Variants in SMAP1 observed in about 807,000 individuals in gnomAD.
The protein encoded by SMAP1 is stromal membrane-associated protein 1.
SMAP1 carries 24 observed loss-of-function variants against 58.5 expected under a neutral mutation model. The ratio of observed to expected loss-of-function variants is 0.41; its 90% confidence interval spans 0.30 to 0.58. SMAP1 has a LOEUF of 0.58. Among genes scored for constraint, SMAP1 ranks in the 20% least tolerant of loss-of-function variants. SMAP1 has a pLI of 0.29. For synonymous variants in SMAP1, 216 were observed against 196.6 expected (o/e 1.10, Z -0.82); for missense variants, 563 against 566.3 (o/e 0.99, Z 0.06).
At chr6:70,781,738 C>A (rs1034670015) in intron 4 of SMAP1, among the ~76,000 whole-genome samples, 1 of 152,288 alleles carries the variant, frequency 6.6e-6, no homozygotes, top group South Asian at 2.1e-4. Flanking sequence ...AAATTTTAAA[C>A]ATTATGCTTT....
At chr6:70,811,615 A>G (rs1769391961) in intron 6 of SMAP1, among the ~76,000 whole-genome samples, 1 of 152,084 alleles carries the variant, frequency 6.6e-6, no homozygotes, top group Non-Finnish European at 1.5e-5. Context: ...TGGATATTCA[A>G]GTCCCTTATT....
Position 70,860,121 on chromosome 6 carries a change from T to C in SMAP1, c.1270-79T>C. On this transcript the variant is annotated intron_variant, in intron 10 of 10. Transcript: ENST00000370455. ...ACTAGTTGTCACATTAATGAAAAAA[T>C]GACCAACTGTGTGGCTAAAGAAACA... 3 of 1,464,812 alleles carry C rather than the reference T, an allele frequency of 2.0e-6. No individual in the cohort carries two copies. In the South Asian group the frequency reaches 4.5e-5, roughly 22 times the overall value. 90.7% of individuals were successfully genotyped at this position (1,464,812 alleles called of 1,614,324 possible). A position where few individuals can be genotyped will look rare whatever the true frequency, so the allele number is the denominator to read the frequency against.
chr6:70,824,245 C>T (rs1770018360), intron 6 of SMAP1, among the ~76,000 whole-genome samples: 1 of 152,054 alleles, frequency 6.6e-6, no homozygotes, highest in Non-Finnish European at 1.5e-5. Flanking sequence ...CTTGCTGGAC[C>T]AGAAGTGGAA....
At chr6:70,729,483 G>GTGTGTGTGTGTA (rs1562119411) in intron 1 of SMAP1, among the ~76,000 whole-genome samples, 3 of 150,922 alleles carry the variant, frequency 2.0e-5, no homozygotes, top group African/African-American at 7.3e-5. Flanking sequence ...GTGTGTGTGT[G>GTGTGTGTGTGTA]TGTGTGTGTG....
intron 3 of SMAP1, among the ~76,000 whole-genome samples, chr6:70,756,299 T>C (rs1408301352): frequency 6.6e-6 from 1 of 152,078 alleles, no homozygotes; most frequent in Non-Finnish European, 1.5e-5. Flanking sequence ...GGAGGAAATA[T>C]CTTTTCTCAC....
intron 4 of SMAP1, among the ~76,000 whole-genome samples, chr6:70,781,934 T>C (rs1230122866): frequency 6.6e-6 from 1 of 152,210 alleles, no homozygotes; most frequent in Non-Finnish European, 1.5e-5. Context: ...GAAGAACGTC[T>C]GAGCTTAAGA....
At chr6:70,793,452 T>TAG (rs1471620786) in intron 5 of SMAP1, among the ~76,000 whole-genome samples, 1 of 151,988 alleles carries the variant, frequency 6.6e-6, no homozygotes, top group African/African-American at 2.4e-5. Context: ...AACATCTTAG[T>TAG]AGATGATGGT....
At chr6:70,736,203 C>G (rs1455974500) in intron 2 of SMAP1, among the ~76,000 whole-genome samples, 1 of 152,042 alleles carries the variant, frequency 6.6e-6, no homozygotes, top group African/African-American at 2.4e-5. Context: ...AGTTGTTACC[C>G]AAAACTTACT....
intron 6 of SMAP1, among the ~76,000 whole-genome samples, chr6:70,827,762 A>C (rs1420456908): frequency 6.6e-6 from 1 of 152,222 alleles, no homozygotes; most frequent in African/African-American, 2.4e-5. Context: ...TAACTTCTCC[A>C]GCCCAGTGAG....
chr6:70,727,021 G>C (rs1474718553), intron 1 of SMAP1, among the ~76,000 whole-genome samples: 1 of 151,878 alleles, frequency 6.6e-6, no homozygotes, highest in Non-Finnish European at 1.5e-5. Flanking sequence ...TTCAAGATGG[G>C]GGGGGCACTG....
At chr6:70,754,397 T>G (rs1330602863) in intron 2 of SMAP1, among the ~76,000 whole-genome samples, 2 of 152,030 alleles carry the variant, frequency 1.3e-5, no homozygotes, top group Non-Finnish European at 2.9e-5. Flanking sequence ...GAACTGAACT[T>G]ATATGTAAAG....
chr6:70,853,807 A>C (rs541437818), intron 8 of SMAP1, among the ~76,000 whole-genome samples: 1 of 152,252 alleles, frequency 6.6e-6, no homozygotes, highest in Non-Finnish European at 1.5e-5. Flanking sequence ...ATAGGTGTAC[A>C]TGTGACAAAA....
intron 1 of SMAP1, among the ~76,000 whole-genome samples, chr6:70,686,221 G>T (rs1282304451): frequency 6.6e-6 from 1 of 152,126 alleles, no homozygotes; most frequent in Non-Finnish European, 1.5e-5. Context: ...TTAAGAAAGT[G>T]AATCTTTAGT....
intron 7 of SMAP1, chr6:70,837,700 A>T: frequency 1.3e-6 from 1 of 771,342 alleles, no homozygotes; most frequent in Non-Finnish European, 1.6e-6. Context: ...TTCTTCTAAA[A>T]GAATTGGCTT....
At chr6:70,835,027 A>C (rs1334884747) in intron 6 of SMAP1, among the ~76,000 whole-genome samples, 1 of 151,600 alleles carries the variant, frequency 6.6e-6, no homozygotes, top group Non-Finnish European at 1.5e-5. Context: ...AGGCTAGCGG[A>C]TCATGAGGTC....
At chr6:70,713,568 C>T (rs567539447) in intron 1 of SMAP1, among the ~76,000 whole-genome samples, 88 of 152,084 alleles carry the variant, frequency 5.8e-4, no homozygotes, top group African/African-American at 2.0e-3. Context: ...CCATGTTCTT[C>T]TTGTTATCTA....
At chr6:70,804,064 A>G (rs906392316) in intron 6 of SMAP1, among the ~76,000 whole-genome samples, 1 of 152,186 alleles carries the variant, frequency 6.6e-6, no homozygotes, top group Non-Finnish European at 1.5e-5. Context: ...TGTCTCGTTG[A>G]TCTGTCTGAC....
chr6:70,803,706 A>G (rs984806257), intron 6 of SMAP1, among the ~76,000 whole-genome samples: 2 of 152,200 alleles, frequency 1.3e-5, no homozygotes, highest in Admixed American at 6.5e-5. Flanking sequence ...CTTTGTTCTC[A>G]TTGGTTTCAA....
chr6:70,754,943 G>A (rs759871743), intron 2 of SMAP1, 37 bp from the exon 3 acceptor site: 9 of 1,358,228 alleles, frequency 6.6e-6, no homozygotes, highest in Admixed American at 5.4e-5. Context: ...ACTTTTTAAT[G>A]TTTATGTGAG....
Sources: allele counts gnomAD v4.1 joint callset (sites outside exome capture counted in the v4.1 genomes callset), GRCh38; gene constraint gnomAD v4.1.1; transcripts MANE v1.5; gene names NCBI Gene and HGNC (gene_info 2026-07-23, HGNC 2026-07-21).